The following EDIL3 variants were observed in gnomAD, a reference collection of about 807,000 sequenced individuals.
EDIL3 encodes the protein EGF like and discoidin domains 3, also known as EGF-like repeat and discoidin I-like domain-containing protein 3.
EDIL3 carries 37 observed loss-of-function variants against 67.4 expected under a neutral mutation model. The observed-to-expected ratio is 0.55, with a 90% confidence interval of 0.42 to 0.72. The LOEUF is 0.72. EDIL3 is among the 30% of genes least tolerant of loss of function. The probability of loss-of-function intolerance (pLI) is 0.00; values close to 1 mark genes in which losing one functional copy is unlikely to be tolerated. For missense variants in EDIL3, 527 were observed against 586.3 expected (o/e 0.90, Z 1.04); for synonymous variants, 195 against 196.3 (o/e 0.99, Z 0.05).
At chr5:84,357,061 A>C (rs1207425841) in intron 1 of EDIL3, among the ~76,000 whole-genome samples, 1 of 151,238 alleles carries the variant, frequency 6.6e-6, no homozygotes, top group Non-Finnish European at 1.5e-5. Context: ...AGTAGCTGGG[A>C]TTACAGGCAC....
chr5:84,047,189 G>T (rs976396503), intron 9 of EDIL3, among the ~76,000 whole-genome samples: 1 of 151,904 alleles, frequency 6.6e-6, no homozygotes, highest in African/African-American at 2.4e-5. Context: ...CTGTATCTGG[G>T]GTTAATCTAT....
chr5:84,304,716 G>T (rs2112134520), intron 1 of EDIL3, among the ~76,000 whole-genome samples: 1 of 152,214 alleles, frequency 6.6e-6, no homozygotes, highest in African/African-American at 2.4e-5. Flanking sequence ...CCATTAATTG[G>T]TTTTACATAT....
intron 10 of EDIL3, among the ~76,000 whole-genome samples, chr5:83,955,911 T>C (rs374082548): frequency 1.3e-5 from 2 of 151,792 alleles, no homozygotes; most frequent in Admixed American, 6.6e-5. Flanking sequence ...TTAGAAAATG[T>C]GAACTAATAT....
chr5:84,309,907 G>A (rs996194606), intron 1 of EDIL3, among the ~76,000 whole-genome samples: 1 of 152,142 alleles, frequency 6.6e-6, no homozygotes, highest in Admixed American at 6.6e-5. Context: ...GATCCCTGAA[G>A]AATTGCCACA....
At chr5:84,331,197 G>A (rs889454133) in intron 1 of EDIL3, among the ~76,000 whole-genome samples, 1 of 152,178 alleles carries the variant, frequency 6.6e-6, no homozygotes, top group African/African-American at 2.4e-5. Flanking sequence ...TCTCAGCTGA[G>A]ACTTCGGACA....
chr5:84,008,594 T>G (rs1745466489), intron 9 of EDIL3, among the ~76,000 whole-genome samples: 1 of 152,090 alleles, frequency 6.6e-6, no homozygotes, highest in Admixed American at 6.6e-5. Flanking sequence ...GCCAGAGGGT[T>G]AGGAGAAAAA....
At chr5:84,006,652 TCTGTACA>T (rs1745422767) in intron 9 of EDIL3, among the ~76,000 whole-genome samples, 2 of 152,138 alleles carry the variant, frequency 1.3e-5, no homozygotes, top group African/African-American at 4.8e-5. Context: ...GATGAAATAA[TCTGTACA>T]CCAACCCCTG....
intron 1 of EDIL3, among the ~76,000 whole-genome samples, chr5:84,354,110 AAAT>A (rs1378968372): frequency 6.6e-6 from 1 of 152,210 alleles, no homozygotes; most frequent in African/African-American, 2.4e-5. Context: ...GGACCAAATA[AAAT>A]AATATCAATT....
At chr5:84,031,170 C>T (rs1299436924) in intron 9 of EDIL3, among the ~76,000 whole-genome samples, 1 of 152,102 alleles carries the variant, frequency 6.6e-6, no homozygotes, top group Non-Finnish European at 1.5e-5. Flanking sequence ...TTTAAAGATG[C>T]TATCTCCAAA....
intron 3 of EDIL3, among the ~76,000 whole-genome samples, chr5:84,226,420 T>C (rs1215848188): frequency 6.6e-6 from 1 of 151,724 alleles, no homozygotes; most frequent in African/African-American, 2.4e-5. Context: ...ATAATAACTA[T>C]TCCTTTAAAA....
intron 5 of EDIL3, among the ~76,000 whole-genome samples, chr5:84,125,294 A>C (rs1470806872): frequency 6.6e-6 from 1 of 152,046 alleles, no homozygotes; most frequent in African/African-American, 2.4e-5. Flanking sequence ...ATCAGGGATC[A>C]TGTGTCAATT....
At chr5:84,166,869 C>T (rs1178832175) in intron 4 of EDIL3, among the ~76,000 whole-genome samples, 2 of 151,976 alleles carry the variant, frequency 1.3e-5, no homozygotes, top group Non-Finnish European at 2.9e-5. Context: ...ATGCAAAGGC[C>T]CCAGACTGGA....
intron 9 of EDIL3, among the ~76,000 whole-genome samples, chr5:84,054,604 A>G (rs1232485706): frequency 1.3e-5 from 2 of 152,248 alleles, no homozygotes; most frequent in African/African-American, 2.4e-5. Context: ...AAGCAACTTC[A>G]GCAAAGTCTC....
intron 6 of EDIL3, among the ~76,000 whole-genome samples, chr5:84,083,894 A>G (rs1163696560): frequency 6.6e-6 from 1 of 152,190 alleles, no homozygotes. Flanking sequence ...TTTTATATAC[A>G]TGATAGAGTA....
chr5:84,219,116 C>T (rs1423338817), intron 3 of EDIL3, among the ~76,000 whole-genome samples: 1 of 152,134 alleles, frequency 6.6e-6, no homozygotes. Flanking sequence ...CACAGAGGTG[C>T]TTGTGTCACC....
chr5:84,310,791 G>A (rs1561253115), intron 1 of EDIL3, among the ~76,000 whole-genome samples: 1 of 152,066 alleles, frequency 6.6e-6, no homozygotes, highest in Non-Finnish European at 1.5e-5. Flanking sequence ...GGAGCTCCAT[G>A]TGTACATATC....
chr5:84,337,258 A>C (rs1747007781), intron 1 of EDIL3, among the ~76,000 whole-genome samples: 1 of 152,188 alleles, frequency 6.6e-6, no homozygotes, highest in Non-Finnish European at 1.5e-5. Context: ...CCAAATCTTG[A>C]GGTGGCCCTC....
At chr5:84,109,886 C>G (rs895647086) in intron 5 of EDIL3, among the ~76,000 whole-genome samples, 10 of 152,056 alleles carry the variant, frequency 6.6e-5, no homozygotes, top group Non-Finnish European at 1.3e-4. Flanking sequence ...TTTTTAAAAT[C>G]GGGGTTATGA....
chr5:84,063,393 G>A (rs533405358), intron 8 of EDIL3, among the ~76,000 whole-genome samples: 16 of 152,110 alleles, frequency 1.1e-4, no homozygotes, highest in Non-Finnish European at 2.4e-4. Context: ...TAAACAAACT[G>A]GATTAAATTG....
Sources: allele counts gnomAD v4.1 joint callset (sites outside exome capture counted in the v4.1 genomes callset), GRCh38; gene constraint gnomAD v4.1.1; transcripts MANE v1.5; gene names NCBI Gene and HGNC (gene_info 2026-07-23, HGNC 2026-07-21).